The following ACSL5 variants were observed in gnomAD, a reference collection of about 807,000 sequenced individuals.
The protein encoded by ACSL5 is acyl-CoA synthetase long chain family member 5, also known as long-chain-fatty-acid--CoA ligase 5.
A neutral mutation model predicts 84.9 loss-of-function variants in ACSL5; 50 were observed. That is an observed-to-expected ratio of 0.59 (90% CI 0.47 to 0.75). The LOEUF (loss-of-function observed/expected upper bound fraction) is 0.75. ACSL5 is among the 30% of genes least tolerant of loss of function. ACSL5 has a pLI of 0.00. For synonymous variants in ACSL5, 280 were observed against 300.7 expected (o/e 0.93, Z 0.71); for missense variants, 775 against 830.4 (o/e 0.93, Z 0.82).
intron 15 of ACSL5, 76 bp downstream of exon 15, chr10:112,421,741 T>C (rs954108544): frequency 2.8e-5 from 41 of 1,475,410 alleles, no homozygotes; most frequent in Non-Finnish European, 3.7e-5. Context: ...CTTTGGAGTT[T>C]AGATAACTTC....
chr10:112,394,753 G>A (rs1360054074), intron 1 of ACSL5, 165 bp from the exon 2 acceptor site: 19 of 984,948 alleles, frequency 1.9e-5, no homozygotes, highest in Non-Finnish European at 2.3e-5. Flanking sequence ...AAACACTGGG[G>A]GAAATTCTGC....
At chr10:112,379,247 A>G (rs1849301341) in intron 1 of ACSL5, among the ~76,000 whole-genome samples, 1 of 152,150 alleles carries the variant, frequency 6.6e-6, no homozygotes, top group African/African-American at 2.4e-5. Context: ...TCTGCTAAAA[A>G]TACAAAAGCT....
Position 112,400,702 on chromosome 10 carries a change from C to T in ACSL5, c.265+1693C>T, listed in dbSNP as rs191267750. Among the ~76,000 whole-genome samples, 84 of 151,948 alleles carry T rather than the reference C, an allele frequency of 5.5e-4. 1 individual carries two copies. The highest frequency in any genetic ancestry group is 1.7e-3 in the African/African-American group (70 of 41,454). On this transcript the variant is annotated intron_variant, in intron 3 of 20. Coordinates refer to ENST00000354655, the MANE Select transcript of ACSL5 (RefSeq NM_203379.2). Reference sequence around the variant, plus strand: ...GATTACAGGTGTGAGCCACCATGCCCGGCCTACACCTGGTTAATTTTTTTA... The same window carrying T: ...GATTACAGGTGTGAGCCACCATGCCTGGCCTACACCTGGTTAATTTTTTTA...
rs1844226366 is a variant in ACSL5, at chr10:112,413,204, G to T, written c.980G>T (p.Gly327Val). 6 of 1,614,060 alleles carry T rather than the reference G, an allele frequency of 3.7e-6. No individual in the cohort carries two copies. The highest frequency in any genetic ancestry group is 5.1e-6 in the Non-Finnish European group (6 of 1,180,036). Residue 327 changes from glycine to valine, a missense_variant, in exon 12 of 21, where the codon GGA (glycine) becomes GTA (valine). Gly to Val is a moderately radical substitution (Grantham distance 109, BLOSUM62 -3). Coordinates refer to ENST00000354655, the MANE Select transcript of ACSL5 (RefSeq NM_203379.2). ...AVVYSCGARVGFFQGDIRLLA... is the reference protein window; with the variant it reads ...AVVYSCGARVVFFQGDIRLLA... ...GTGTACAGCTGTGGAGCCAGAGTTG[G>T]ATTCTTCCAAGGGGATATTCGGTTG...
rs1844768777 is a variant in ACSL5 at position 112,427,288 on chromosome 10, C to A, written c.1982C>A (p.Ala661Glu). Residue 661 changes from alanine (A) to glutamate (E), a missense_variant, in exon 21 of 21, where the codon GCA becomes GAA. Transcript: ENST00000354655. ...GGGCTCTTGACACCAACATTGAAAG[C>A]AAAGCGAGGAGAGCTTTCCAAATAC... ...ENGLLTPTLK[A>E]KRGELSKYFR... 1 of 1,613,802 alleles carries A rather than the reference C, an allele frequency of 6.2e-7. No individual in the cohort carries two copies. The highest frequency in any genetic ancestry group is 1.3e-5 in the African/African-American group (1 of 75,010).
At chr10:112,402,486 A>T (rs1290525880) in intron 3 of ACSL5, among the ~76,000 whole-genome samples, 2 of 152,236 alleles carry the variant, frequency 1.3e-5, no homozygotes, top group African/African-American at 4.8e-5. Flanking sequence ...CCCAAGACAC[A>T]CACCCTGGGG....
Position 112,406,922 on chromosome 10 carries a change from C to T in ACSL5, c.433-1500C>T, listed in dbSNP as rs1428763176. ...TTTTATGCTGCTGATAAAGACATAC[C>T]TAAGACCTGGAAGAAGAGGAGGTTT... On this transcript the variant is annotated intron_variant, in intron 5 of 20. Transcript: ENST00000354655. Among the ~76,000 whole-genome samples, 3 of 152,128 alleles carry T rather than the reference C, an allele frequency of 2.0e-5. No homozygotes were observed. The East Asian group carries it at 5.8e-4, about 29-fold the overall frequency.
At chr10:112,397,602 C>T (rs1843777304) in intron 2 of ACSL5, among the ~76,000 whole-genome samples, 1 of 152,148 alleles carries the variant, frequency 6.6e-6, no homozygotes, top group Non-Finnish European at 1.5e-5. Flanking sequence ...CTTTACCCTA[C>T]CCAAATCATA....
chr10:112,398,866 C>A (rs1843808703), intron 2 of ACSL5, 35 bp from the exon 3 acceptor site: 3 of 1,577,210 alleles, frequency 1.9e-6, no homozygotes, highest in Non-Finnish European at 2.6e-6. Flanking sequence ...TGAGGGGAGA[C>A]TTGAACTTGG....
chr10:112,411,627 TACACACACAC>T, intron 10 of ACSL5, 98 bp downstream of exon 10: 4 of 820,982 alleles, frequency 4.9e-6, no homozygotes, highest in Admixed American at 4.7e-5. Flanking sequence ...CACACACACA[TACACACACAC>T]ACACACACAC....
At position 112,398,988 on chromosome 10, in the gene ACSL5, CAA is replaced by C; in HGVS notation, c.246_247del (p.Gly84ThrfsTer5). ...TGCCAAGACTATGTATGAGGTTTTC[CAA>C]AGAGGACTCGCTGTGTCTGGTAAGC... ...SDAKTMYEVF[Q>X]RGLAVSDNGP... On this transcript the variant is annotated frameshift_variant, in exon 3 of 21. Transcript: ENST00000354655. LOFTEE classifies it high-confidence loss of function. The C allele has an allele frequency of 6.2e-7, 1 of 1,613,892 alleles. No homozygotes were observed. The highest frequency in any genetic ancestry group is 8.5e-7 in the Non-Finnish European group (1 of 1,179,862).
At chr10:112,414,358 T>C (rs1844265820) in intron 12 of ACSL5, among the ~76,000 whole-genome samples, 3 of 143,376 alleles carry the variant, frequency 2.1e-5, no homozygotes. Context: ...GATTCTTTTT[T>C]TTTTTTTTTT....
chr10:112,381,524 A>C (rs550024001), intron 1 of ACSL5, among the ~76,000 whole-genome samples: 1 of 151,892 alleles, frequency 6.6e-6, no homozygotes, highest in South Asian at 2.1e-4. Context: ...AATTAGCCGG[A>C]TGTGATGATG....
rs938785243 is a variant in ACSL5, at chr10:112,411,477, T to C, written c.818T>C (p.Ile273Thr). 6.2e-7 allele frequency: 1 copy of C among 1,613,946 alleles called. No homozygotes were observed. The highest frequency in any genetic ancestry group is 8.5e-7 in the Non-Finnish European group (1 of 1,179,778). ...GTTGDPKGAMITHQNIVSNAA... is the reference protein window; with the variant it reads ...GTTGDPKGAMTTHQNIVSNAA... Reference sequence around the variant, plus strand: ...ACAGGTGACCCCAAAGGAGCCATGATAACCCATCAAAATATTGTTTCAAAT... The same window carrying C: ...ACAGGTGACCCCAAAGGAGCCATGACAACCCATCAAAATATTGTTTCAAAT... The change falls in exon 10 of 21, where the codon ATA becomes ACA. Residue 273 changes from isoleucine (I) to threonine (T), a missense_variant. Physicochemically the swap from Ile to Thr is moderately conservative, Grantham distance 89. Transcript: ENST00000354655.
Position 112,411,515 on chromosome 10 carries a change from C to G in ACSL5, c.856C>G (p.Leu286Val), listed in dbSNP as rs752432150. 6.2e-7 allele frequency: 1 copy of G among 1,613,692 alleles called. No homozygotes were observed. The highest frequency in any genetic ancestry group is 8.5e-7 in the Non-Finnish European group (1 of 1,179,638). The change falls in exon 10 of 21, where the codon CTC becomes GTC. Residue 286 changes from leucine (L) to valine (V), a missense_variant. Physicochemically the swap from Leu to Val is conservative, Grantham distance 32. Transcript: ENST00000354655. ...QNIVSNAAAFLKCVEHAYEPT... is the reference protein window; with the variant it reads ...QNIVSNAAAFVKCVEHAYEPT... Reference sequence around the variant, plus strand: ...TATTGTTTCAAATGCTGCTGCCTTTCTCAAATGTGTGGAGGTCAGTGGTCA... The same window carrying G: ...TATTGTTTCAAATGCTGCTGCCTTTGTCAAATGTGTGGAGGTCAGTGGTCA...
chr10:112,383,048 C>CACTTCA (rs1849381787), intron 1 of ACSL5, among the ~76,000 whole-genome samples: 2 of 152,148 alleles, frequency 1.3e-5, no homozygotes, highest in Admixed American at 1.3e-4. Context: ...GCAGGTGGAT[C>CACTTCA]GCTTCAGCCC....
Position 112,427,461 on chromosome 10 carries a change from T to A in ACSL5, c.*103T>A, listed in dbSNP as rs1440541525. On this transcript the variant is annotated 3_prime_UTR_variant, in exon 21 of 21. Transcript: ENST00000354655. ...TTTTGCCTTTCCTCCTATTTTTTTT[T>A]AACCTGTTAAACTCTAAAGCCATAG... is the stretch of plus-strand genomic sequence containing the variant. 4.3e-6 allele frequency: 5 copies of A among 1,155,482 alleles called. No individual in the cohort carries two copies. The highest frequency in any genetic ancestry group is 3.7e-5 in the South Asian group (2 of 53,910). 71.6% of individuals were successfully genotyped at this position (1,155,482 alleles called of 1,614,324 possible). A position where few individuals can be genotyped will look rare whatever the true frequency, so the allele number is the denominator to read the frequency against.
At chr10:112,422,073 G>A in intron 16 of ACSL5, 38 bp downstream of exon 16, 2 of 1,602,224 alleles carry the variant, frequency 1.2e-6, no homozygotes, top group East Asian at 4.5e-5. Flanking sequence ...CAGTCATGGT[G>A]GGGAGGTTTA....
chr10:112,401,618 C>T (rs1328248092), intron 3 of ACSL5, among the ~76,000 whole-genome samples: 1 of 152,238 alleles, frequency 6.6e-6, no homozygotes, highest in Admixed American at 6.5e-5. Context: ...CTGATCAAGT[C>T]ACAGAGTTTA....
Sources: gnomAD v4.1 joint callset for allele counts (sites outside exome capture counted in the v4.1 genomes callset) on GRCh38, gnomAD v4.1.1 for gene constraint, MANE v1.5 for transcripts, NCBI Gene and HGNC (gene_info 2026-07-23, HGNC 2026-07-21) for gene names.